The following KCNJ3 variants were observed in gnomAD, a reference collection of about 807,000 sequenced individuals.
The protein encoded by KCNJ3 is G protein-activated inward rectifier potassium channel 1.
In KCNJ3, 4 loss-of-function variants were observed where a neutral mutation model predicts 39.2. That is an observed-to-expected ratio of 0.10 (90% CI 0.05 to 0.23). The LOEUF is 0.23. KCNJ3 is among the 10% of genes least tolerant of loss of function. The probability of loss-of-function intolerance (pLI) is 1.00; values close to 1 mark genes in which losing one functional copy is unlikely to be tolerated. For synonymous variants in KCNJ3, 230 were observed against 237.4 expected, an observed-to-expected ratio of 0.97 and a Z score of 0.29; for missense variants, 276 against 634.9, an observed-to-expected ratio of 0.43 and a Z score of 6.08.
intron 2 of KCNJ3, among the ~76,000 whole-genome samples, chr2:154,750,222 T>G (rs1162436027): frequency 6.6e-6 from 1 of 152,038 alleles, no homozygotes; most frequent in Non-Finnish European, 1.5e-5. Flanking sequence ...TTGTACACAA[T>G]TATATTATAC....
intron 2 of KCNJ3, among the ~76,000 whole-genome samples, chr2:154,782,124 A>G (rs1449156845): frequency 6.6e-6 from 1 of 152,130 alleles, no homozygotes; most frequent in Non-Finnish European, 1.5e-5. Flanking sequence ...TTCAGTGATT[A>G]TTAGGAAGTC....
intron 2 of KCNJ3, among the ~76,000 whole-genome samples, chr2:154,818,923 T>G (rs1687125151): frequency 1.5e-5 from 1 of 65,080 alleles, no homozygotes; most frequent in Non-Finnish European, 4.1e-5. Flanking sequence ...AAAGCCTTTT[T>G]TTTTTTTTTT....
At chr2:154,764,780 CCGT>C (rs1467947501) in intron 2 of KCNJ3, among the ~76,000 whole-genome samples, 1 of 151,458 alleles carries the variant, frequency 6.6e-6, no homozygotes, top group East Asian at 2.1e-4. Flanking sequence ...TCATTCAAAG[CCGT>C]CATGGGCTGC....
intron 2 of KCNJ3, among the ~76,000 whole-genome samples, chr2:154,775,939 C>T (rs1329745452): frequency 6.6e-6 from 1 of 151,548 alleles, no homozygotes; most frequent in Non-Finnish European, 1.5e-5. Flanking sequence ...TTTTGCAGTG[C>T]ATAGTAGTAT....
intron 2 of KCNJ3, among the ~76,000 whole-genome samples, chr2:154,821,889 C>T (rs1574474875): frequency 6.6e-6 from 1 of 151,916 alleles, no homozygotes; most frequent in East Asian, 1.9e-4. Context: ...AATCCATTCG[C>T]CTTGGCCTCC....
At chr2:154,808,017 A>T (rs905251771) in intron 2 of KCNJ3, among the ~76,000 whole-genome samples, 1 of 151,864 alleles carries the variant, frequency 6.6e-6, no homozygotes, top group African/African-American at 2.4e-5. Flanking sequence ...TTCCTCAATT[A>T]TAATCTACCT....
intron 2 of KCNJ3, among the ~76,000 whole-genome samples, chr2:154,739,182 T>C (rs1685600021): frequency 6.6e-6 from 1 of 151,976 alleles, no homozygotes; most frequent in African/African-American, 2.4e-5. Context: ...CATGTGGGAG[T>C]ATTAACCTAT....
chr2:154,767,238 A>G (rs957861555), intron 2 of KCNJ3, among the ~76,000 whole-genome samples: 21 of 151,966 alleles, frequency 1.4e-4, no homozygotes, highest in African/African-American at 5.1e-4. Flanking sequence ...CACAACGTGT[A>G]GGTTTGTTAC....
chr2:154,778,649 A>G (rs1156877590), intron 2 of KCNJ3, among the ~76,000 whole-genome samples: 1 of 152,154 alleles, frequency 6.6e-6, no homozygotes, highest in Non-Finnish European at 1.5e-5. Context: ...TAGGTTTAGG[A>G]ACTGAGATAA....
At chr2:154,749,619 C>G (rs1685804100) in intron 2 of KCNJ3, among the ~76,000 whole-genome samples, 1 of 152,076 alleles carries the variant, frequency 6.6e-6, no homozygotes, top group Admixed American at 6.6e-5. Context: ...TGTTTGGCTT[C>G]TGGTTCGATC....
intron 1 of KCNJ3, among the ~76,000 whole-genome samples, chr2:154,706,195 A>G (rs1434159475): frequency 6.6e-6 from 1 of 152,070 alleles, no homozygotes; most frequent in African/African-American, 2.4e-5. Context: ...TCTAGACCAT[A>G]TCAATTTATA....
intron 2 of KCNJ3, among the ~76,000 whole-genome samples, chr2:154,729,247 C>T (rs907976700): frequency 6.6e-6 from 1 of 152,120 alleles, no homozygotes; most frequent in Admixed American, 6.5e-5. Flanking sequence ...AATTGCAAAT[C>T]GGGTTTCTGT....
At chr2:154,811,678 C>T (rs767343456) in intron 2 of KCNJ3, among the ~76,000 whole-genome samples, 1 of 152,144 alleles carries the variant, frequency 6.6e-6, no homozygotes, top group Non-Finnish European at 1.5e-5. Context: ...ACCATTGTTA[C>T]TTCCTGTCCT....
At chr2:154,815,713 T>C (rs1200772372) in intron 2 of KCNJ3, among the ~76,000 whole-genome samples, 1 of 152,244 alleles carries the variant, frequency 6.6e-6, no homozygotes, top group Non-Finnish European at 1.5e-5. Flanking sequence ...AAGCAGACTC[T>C]TTACTTGTTC....
intron 2 of KCNJ3, among the ~76,000 whole-genome samples, chr2:154,844,789 C>T (rs1687639212): frequency 6.6e-6 from 1 of 152,210 alleles, no homozygotes; most frequent in South Asian, 2.1e-4. Flanking sequence ...CTGCTGGTTG[C>T]TAAGACCTTG....
At chr2:154,773,102 C>A (rs79749115) in intron 2 of KCNJ3, among the ~76,000 whole-genome samples, 3,605 of 151,922 alleles carry the variant, frequency 0.024, 81 homozygotes, top group Middle Eastern at 0.034. Flanking sequence ...AAAAAAGAAA[C>A]CTTTGGTGAA....
intron 2 of KCNJ3, among the ~76,000 whole-genome samples, chr2:154,744,186 A>T (rs1685699088): frequency 6.6e-6 from 1 of 151,750 alleles, no homozygotes; most frequent in South Asian, 2.1e-4. Context: ...CTGGAATAAT[A>T]AACCCTACTT....
chr2:154,850,792 G>A (rs1422841595), intron 2 of KCNJ3, among the ~76,000 whole-genome samples: 1 of 152,076 alleles, frequency 6.6e-6, no homozygotes, highest in Non-Finnish European at 1.5e-5. Context: ...TCTGCTTGCT[G>A]CAAGCCTTTT....
intron 2 of KCNJ3, among the ~76,000 whole-genome samples, chr2:154,794,933 C>G (rs1686696578): frequency 6.6e-6 from 1 of 151,936 alleles, no homozygotes; most frequent in African/African-American, 2.4e-5. Flanking sequence ...TTTTCTAATA[C>G]TCAACAGTGT....
Sources: gnomAD v4.1 joint callset for allele counts (sites outside exome capture counted in the v4.1 genomes callset) on GRCh38, gnomAD v4.1.1 for gene constraint, MANE v1.5 for transcripts, NCBI Gene and HGNC (gene_info 2026-07-23, HGNC 2026-07-21) for gene names.